Variants in IMMP2L observed in about 807,000 individuals in gnomAD.
The protein encoded by IMMP2L is mitochondrial inner membrane protease subunit 2.
In IMMP2L, 18 loss-of-function variants were observed where a neutral mutation model predicts 19.3. That is an observed-to-expected ratio of 0.93 (90% CI 0.64 to 1.38). The LOEUF (loss-of-function observed/expected upper bound fraction) is 1.38, where lower values mean the gene tolerates loss of function less well. Ranked by LOEUF, IMMP2L falls within the 40% of genes most tolerant of loss-of-function variation. The pLI, the probability that IMMP2L is intolerant of heterozygous loss-of-function variation, is 0.00. For missense variants in IMMP2L, 233 were observed against 218.2 expected (o/e 1.07, Z -0.43); for synonymous variants, 76 against 73.0 (o/e 1.04, Z -0.21).
chr7:110,932,059 C>T (rs900801766), intron 4 of IMMP2L, among the ~76,000 whole-genome samples: 2 of 152,112 alleles, frequency 1.3e-5, no homozygotes, highest in Non-Finnish European at 2.9e-5. Context: ...CCCCACACCC[C>T]CTTCTATTTT....
At chr7:110,771,910 G>A (rs1671751880) in intron 5 of IMMP2L, among the ~76,000 whole-genome samples, 1 of 152,122 alleles carries the variant, frequency 6.6e-6, no homozygotes, top group South Asian at 2.1e-4. Flanking sequence ...CCAGCACTTG[G>A]TTACAGAAGA....
rs770897902 is a variant in IMMP2L, at chr7:111,123,813, T to C, written c.240-160248A>G. 1 of 1,613,884 alleles carries C rather than the reference T, an allele frequency of 6.2e-7. No individual in the cohort carries two copies. Among genetic ancestry groups the C allele is most frequent in the Non-Finnish European group, 8.5e-7 (1 of 1,179,986 alleles). ...TCATGCTGAACAGCAATGCTCTCAG[T>C]GCCCTGTACCATGGTACCATTGAGT... On this transcript the variant is annotated intron_variant, in intron 3 of 5. Transcript: ENST00000405709. The surrounding 1 kb of genome is among the most constrained non-coding windows in gnomAD (Gnocchi z 6.4).
intron 5 of IMMP2L, among the ~76,000 whole-genome samples, chr7:110,851,831 A>G (rs1806252252): frequency 6.6e-6 from 1 of 152,148 alleles, no homozygotes; most frequent in South Asian, 2.1e-4. Flanking sequence ...TTGTATTGAT[A>G]TATGTGACAG....
At chr7:111,530,989 C>T (rs1179929644) in intron 1 of IMMP2L, among the ~76,000 whole-genome samples, 1 of 149,842 alleles carries the variant, frequency 6.7e-6, no homozygotes, top group South Asian at 2.1e-4. Context: ...CAGAGTCTTG[C>T]TCTGTCACCC....
At chr7:111,065,708 C>T (rs73418037) in intron 3 of IMMP2L, among the ~76,000 whole-genome samples, 5 of 152,158 alleles carry the variant, frequency 3.3e-5, no homozygotes, top group South Asian at 4.1e-4. Flanking sequence ...TCTCGAACAT[C>T]GGACTCCAAG....
chr7:111,162,933 G>C (rs1805427713), intron 3 of IMMP2L, among the ~76,000 whole-genome samples: 1 of 151,954 alleles, frequency 6.6e-6, no homozygotes, highest in South Asian at 2.1e-4. Context: ...TCCCACCTTA[G>C]AGCGCCTGCC....
At chr7:111,553,089 C>T (rs1052058575) in intron 1 of IMMP2L, among the ~76,000 whole-genome samples, 1 of 152,084 alleles carries the variant, frequency 6.6e-6, no homozygotes, top group African/African-American at 2.4e-5. Context: ...AATTGCTGAC[C>T]CACAGCAACC....
chr7:111,561,450 G>A (rs1792038224), intron 1 of IMMP2L, among the ~76,000 whole-genome samples: 1 of 152,126 alleles, frequency 6.6e-6, no homozygotes, highest in Admixed American at 6.5e-5. Flanking sequence ...CCCTAGGGGG[G>A]TTACTGTTCA....
intron 3 of IMMP2L, among the ~76,000 whole-genome samples, chr7:111,178,336 C>T (rs189622877): frequency 9.0e-4 from 137 of 152,176 alleles, no homozygotes; most frequent in African/African-American, 3.2e-3. Flanking sequence ...TCTGAGCGTT[C>T]GGCCAGTTGT....
At chr7:111,411,575 G>A (rs999865001) in intron 3 of IMMP2L, 1 of 324,724 alleles carries the variant, frequency 3.1e-6, no homozygotes, top group Non-Finnish European at 6.2e-6. Flanking sequence ...CCTTCAACAG[G>A]CTGATTTAGA....
intron 3 of IMMP2L, among the ~76,000 whole-genome samples, chr7:111,302,186 A>G (rs1010236909): frequency 1.3e-5 from 2 of 152,058 alleles, no homozygotes; most frequent in Non-Finnish European, 2.9e-5. Context: ...TCAGTTCTCA[A>G]CTAAAATGTT....
chr7:110,701,181 C>A (rs1794262088), intron 5 of IMMP2L, among the ~76,000 whole-genome samples: 1 of 152,100 alleles, frequency 6.6e-6, no homozygotes, highest in Admixed American at 6.5e-5. Context: ...ATTATTCACC[C>A]TAACCTATCA....
At chr7:110,808,118 A>G (rs1366643010) in intron 5 of IMMP2L, among the ~76,000 whole-genome samples, 1 of 152,106 alleles carries the variant, frequency 6.6e-6, no homozygotes, top group African/African-American at 2.4e-5. Flanking sequence ...ACATTTCAAT[A>G]ATTACATTTC....
At chr7:111,037,715 T>C (rs1011468935) in intron 3 of IMMP2L, among the ~76,000 whole-genome samples, 7 of 152,190 alleles carry the variant, frequency 4.6e-5, no homozygotes, top group African/African-American at 7.2e-5. Flanking sequence ...ATTTGCATAA[T>C]AGATATTGGC....
chr7:111,364,201 A>G (rs1297110034), intron 3 of IMMP2L, among the ~76,000 whole-genome samples: 1 of 152,166 alleles, frequency 6.6e-6, no homozygotes, highest in Non-Finnish European at 1.5e-5. Flanking sequence ...GTCAAATTGA[A>G]TAAAACAAAA....
intron 3 of IMMP2L, among the ~76,000 whole-genome samples, chr7:111,374,906 T>C (rs891764598): frequency 1.3e-5 from 2 of 152,140 alleles, no homozygotes; most frequent in African/African-American, 4.8e-5. Flanking sequence ...GTCTAGACTT[T>C]TGTTTTCAGA....
At chr7:111,078,695 TA>T (rs1795621501) in intron 3 of IMMP2L, among the ~76,000 whole-genome samples, 2 of 152,080 alleles carry the variant, frequency 1.3e-5, no homozygotes, top group South Asian at 4.1e-4. Context: ...CAAAATTTTT[TA>T]CAATAAAGCT....
At chr7:111,482,739 T>A (rs917854321) in intron 3 of IMMP2L, among the ~76,000 whole-genome samples, 1 of 152,146 alleles carries the variant, frequency 6.6e-6, no homozygotes, top group African/African-American at 2.4e-5. Context: ...CAGACAGAGT[T>A]TCTCCTTTAT....
intron 3 of IMMP2L, among the ~76,000 whole-genome samples, chr7:111,300,865 CCAG>C (rs1241466787): frequency 9.2e-5 from 14 of 152,054 alleles, no homozygotes; most frequent in Non-Finnish European, 1.8e-4. Flanking sequence ...CAGGATGTTG[CCAG>C]TTTGGGCCCA....
Sources: gnomAD v4.1 joint callset for allele counts (sites outside exome capture counted in the v4.1 genomes callset) on GRCh38, gnomAD v4.1.1 for gene constraint, Gnocchi (gnomAD v3.1) non-coding constraint, MANE v1.5 for transcripts, NCBI Gene and HGNC (gene_info 2026-07-23, HGNC 2026-07-21) for gene names.